Variants in QRSL1 observed in about 807,000 individuals in gnomAD.
The protein encoded by QRSL1 is glutaminyl-tRNA amidotransferase subunit QRSL1.
A neutral mutation model predicts 61.6 loss-of-function variants in QRSL1; 54 were observed. The observed-to-expected ratio is 0.88, with a 90% CI of 0.70 to 1.10. QRSL1 has a LOEUF of 1.10. Ranked by LOEUF, QRSL1 falls within the 50% of genes least tolerant of loss-of-function variation. QRSL1 has a pLI of 0.00. For synonymous variants in QRSL1, 228 were observed against 225.7 expected (o/e 1.01, Z -0.09); for missense variants, 505 against 622.6 (o/e 0.81, Z 2.01).
chr6:106,652,623 G>C (rs752619994), intron 7 of QRSL1, 41 bp downstream of exon 7: 1 of 1,612,802 alleles, frequency 6.2e-7, no homozygotes. Context: ...ATACTGTCAA[G>C]TCCAATAGAG....
Position 106,629,699 on chromosome 6 carries a change from C to T in QRSL1, c.18C>T (p.Leu6=). The stretch of plus-strand genomic sequence containing the variant: ...CGAGGACCATGCTGGGCCGGAGCCT[C>T]CGAGAAGTGAGTGGAATTGGCCCGC... MLGRS[L]REVSAALKQG... Residue 6 remains leucine (L), a synonymous_variant, in exon 1 of 11, where the codon CTC becomes CTT. Transcript: ENST00000369046. The T allele has an allele frequency of 6.2e-7, 1 of 1,606,454 alleles. No individual in the cohort carries two copies. Among genetic ancestry groups the T allele is most frequent in the Non-Finnish European group, 8.5e-7 (1 of 1,177,140 alleles).
In QRSL1 at chr6:106,662,525, CTTTA is replaced by C. The variant is rs1777373271; in HGVS notation, c.1161-450_1161-447del. 5.5e-5 allele frequency among the ~76,000 whole-genome samples: 8 copies of C among 146,202 alleles called. No individual in the cohort carries two copies. In the South Asian group the frequency reaches 1.5e-3, roughly 28 times the overall value. The stretch of plus-strand genomic sequence containing the variant: ...TTTTTCCCTAAACAATGCCTAAACT[CTTTA>C]TTTAACCAACCAGTATTTCTGGTTT... On this transcript the variant is annotated intron_variant, in intron 9 of 10. Transcript: ENST00000369046.
chr6:106,644,790 A>T (rs944885985), intron 4 of QRSL1, among the ~76,000 whole-genome samples: 1 of 152,172 alleles, frequency 6.6e-6, no homozygotes, highest in African/African-American at 2.4e-5. Flanking sequence ...AAGTGCTGGG[A>T]TCATAGACGT....
intron 5 of QRSL1, among the ~76,000 whole-genome samples, chr6:106,650,829 T>C (rs1777179125): frequency 6.6e-6 from 1 of 152,222 alleles, no homozygotes; most frequent in Non-Finnish European, 1.5e-5. Flanking sequence ...GGGGCTGTGA[T>C]TCTAAGAGTA....
intron 9 of QRSL1, among the ~76,000 whole-genome samples, chr6:106,661,174 G>T (rs999387176): frequency 2.0e-5 from 3 of 151,930 alleles, no homozygotes; most frequent in Non-Finnish European, 4.4e-5. Context: ...GCAGTGGCGC[G>T]ATCTTGGCTC....
At position 106,661,085 on chromosome 6, in the gene QRSL1, T is replaced by G. The variant is rs569657940; in HGVS notation, c.1161-1895T>G. On this transcript the variant is annotated intron_variant, in intron 9 of 10. Transcript: ENST00000369046. ...AGCCATATTTAAAGTAGGAAGAAAT[T>G]TAATAGAAAACAAGTATTTGTTTTG... Among the ~76,000 whole-genome samples, 6 of 152,036 alleles carry G rather than the reference T, an allele frequency of 3.9e-5. No individual in the cohort carries two copies. The East Asian group carries it at 9.7e-4, about 25-fold the overall frequency.
At chr6:106,642,969 A>T (rs1777046186) in intron 3 of QRSL1, 25 bp from the exon 4 acceptor site, 1 of 1,485,428 alleles carries the variant, frequency 6.7e-7, no homozygotes, top group Non-Finnish European at 9.3e-7. Context: ...TGTAAAAAAA[A>T]TAATAGTAAC....
intron 4 of QRSL1, among the ~76,000 whole-genome samples, chr6:106,645,968 G>A (rs1468355374): frequency 1.3e-5 from 2 of 152,116 alleles, no homozygotes; most frequent in Non-Finnish European, 2.9e-5. Flanking sequence ...GGCCTTAGGT[G>A]CAATGTTGAA....
chr6:106,642,983 A>AT lies in QRSL1; in HGVS notation c.284-4dup. Reference sequence around the variant, plus strand: ...CTGTAAAAAAAATAATAGTAACTAAATTTTTTTCAGGTTATATACCACCTT... The same window carrying AT: ...CTGTAAAAAAAATAATAGTAACTAAATTTTTTTTCAGGTTATATACCACCTT... On this transcript the variant is annotated splice_polypyrimidine_tract_variant and intron_variant, in intron 3 of 10. Transcript: ENST00000369046. 1 of 1,568,580 alleles carries AT rather than the reference A, an allele frequency of 6.4e-7. No individual in the cohort carries two copies. Among genetic ancestry groups the AT allele is most frequent in the Admixed American group, 1.9e-5 (1 of 52,620 alleles).
At chr6:106,662,387 A>G (rs773039839) in intron 9 of QRSL1, among the ~76,000 whole-genome samples, 2 of 152,146 alleles carry the variant, frequency 1.3e-5, no homozygotes, top group Non-Finnish European at 2.9e-5. Context: ...TGATTAATTT[A>G]TATATACAAA....
chr6:106,646,314 G>A (rs1277760015), intron 4 of QRSL1, among the ~76,000 whole-genome samples: 1 of 152,086 alleles, frequency 6.6e-6, no homozygotes, highest in Non-Finnish European at 1.5e-5. Context: ...AATTGTCTGA[G>A]GATACAATAT....
Position 106,652,279 on chromosome 6 carries a change from C to T in QRSL1, c.628C>T (p.Pro210Ser), listed in dbSNP as rs773172962. 3.7e-6 allele frequency: 6 copies of T among 1,614,164 alleles called. No homozygotes were observed. The Admixed American group carries it at 1.0e-4, about 27-fold the overall frequency. ...AAHCGLVGFK[P>S]SYGLVSRHGL... Reference sequence around the variant, plus strand: ...CCACTGTGGGCTTGTTGGTTTCAAACCAAGCTATGGCTTAGTTTCCCGTCA... The same window carrying T: ...CCACTGTGGGCTTGTTGGTTTCAAATCAAGCTATGGCTTAGTTTCCCGTCA... Residue 210 changes from proline to serine, a missense_variant, in exon 6 of 11, where the codon CCA becomes TCA. Coordinates refer to ENST00000369046, the MANE Select transcript of QRSL1 (RefSeq NM_018292.5).
intron 4 of QRSL1, among the ~76,000 whole-genome samples, chr6:106,646,592 G>C (rs1777107959): frequency 6.6e-6 from 1 of 151,922 alleles, no homozygotes; most frequent in African/African-American, 2.4e-5. Context: ...GAGCCCAGGA[G>C]TCCTAGATCA....
chr6:106,656,483 G>C (rs545175450), intron 9 of QRSL1, among the ~76,000 whole-genome samples: 6 of 152,148 alleles, frequency 3.9e-5, no homozygotes, highest in Admixed American at 2.0e-4. Flanking sequence ...GTTTATTCAC[G>C]ATCTTGTGAA....
intron 10 of QRSL1, among the ~76,000 whole-genome samples, chr6:106,663,674 C>T (rs1777394369): frequency 6.6e-6 from 1 of 152,206 alleles, no homozygotes; most frequent in African/African-American, 2.4e-5. Context: ...TTGCCTTCCA[C>T]TAGGCCCCAC....
At chr6:106,643,413 C>T (rs1408172893) in intron 4 of QRSL1, among the ~76,000 whole-genome samples, 1 of 152,186 alleles carries the variant, frequency 6.6e-6, no homozygotes, top group East Asian at 1.9e-4. Context: ...TCCTTTCTGG[C>T]TCATGACTGT....
At chr6:106,643,176 T>A in intron 4 of QRSL1, 86 bp downstream of exon 4, 1 of 873,352 alleles carries the variant, frequency 1.1e-6, no homozygotes, top group Non-Finnish European at 1.8e-6. Context: ...GGATTGAGGA[T>A]CTAATGCCAG....
chr6:106,647,752 A>G (rs1470646227), intron 4 of QRSL1, among the ~76,000 whole-genome samples: 4 of 134,560 alleles, frequency 3.0e-5, no homozygotes, highest in South Asian at 2.5e-4. Flanking sequence ...CCGGGTTCAC[A>G]CCATTCTTCT....
intron 1 of QRSL1, among the ~76,000 whole-genome samples, chr6:106,637,485 TATA>T (rs1280695745): frequency 1.6e-5 from 2 of 126,896 alleles, no homozygotes; most frequent in African/African-American, 6.7e-5. Context: ...CCAGGAAGGC[TATA>T]GGTCAGCATA....
Sources: allele counts gnomAD v4.1 joint callset (sites outside exome capture counted in the v4.1 genomes callset), GRCh38; gene constraint gnomAD v4.1.1; transcripts MANE v1.5; gene names NCBI Gene and HGNC (gene_info 2026-07-23, HGNC 2026-07-21).